Variants in PTPRG observed in about 807,000 individuals in gnomAD.
PTPRG encodes the protein receptor-type tyrosine-protein phosphatase gamma.
In PTPRG, 102 loss-of-function variants were observed where a neutral mutation model predicts 165.3. The ratio of observed to expected loss-of-function variants is 0.62; its 90% CI spans 0.53 to 0.73. The LOEUF is 0.73. PTPRG is among the 30% of genes least tolerant of loss of function. The pLI, the probability that PTPRG is intolerant of heterozygous loss-of-function variation, is 0.00. For synonymous variants in PTPRG, 675 were observed against 669.5 expected, an observed-to-expected ratio of 1.01 and a Z score of -0.13; for missense variants, 1,866 against 1,861.4, an observed-to-expected ratio of 1.00 and a Z score of -0.05.
In PTPRG at chr3:61,863,187, C is replaced by T. The variant is rs576789986; in HGVS notation, c.190+114205C>T. ...GCCAGTGCTTAGGGCCTGACCCAGACGGGGCTTCCCCCTCTTTGAGCAGTG... is the reference window on the plus strand; with the variant it reads ...GCCAGTGCTTAGGGCCTGACCCAGATGGGGCTTCCCCCTCTTTGAGCAGTG... On this transcript the variant is annotated intron_variant, in intron 2 of 29. Coordinates refer to ENST00000474889, the MANE Select transcript of PTPRG (RefSeq NM_002841.4). 3.2e-4 allele frequency among the ~76,000 whole-genome samples: 49 copies of T among 152,312 alleles called. No individual in the cohort carries two copies. In the East Asian group the frequency reaches 7.0e-3, roughly 22 times the overall value.
At chr3:61,785,218 A>G (rs1267096132) in intron 2 of PTPRG, among the ~76,000 whole-genome samples, 4 of 152,194 alleles carry the variant, frequency 2.6e-5, no homozygotes, top group African/African-American at 9.6e-5. Context: ...TGATGCTCTT[A>G]GGGGGAGGAC....
intron 1 of PTPRG, among the ~76,000 whole-genome samples, chr3:61,681,075 A>AAAAAAAAAG (rs999333286): frequency 4.0e-5 from 6 of 150,210 alleles, no homozygotes; most frequent in African/African-American, 1.5e-4. Context: ...AAAAAAAAAA[A>AAAAAAAAAG]AAGAAGAAGA....
chr3:61,958,817 T>C (rs907763437), intron 2 of PTPRG, among the ~76,000 whole-genome samples: 1 of 152,170 alleles, frequency 6.6e-6, no homozygotes, highest in Admixed American at 6.5e-5. Context: ...AGAACTCTCA[T>C]TGTGTCATTC....
intron 1 of PTPRG, among the ~76,000 whole-genome samples, chr3:61,600,095 G>A (rs993395950): frequency 2.0e-5 from 3 of 151,262 alleles, no homozygotes; most frequent in African/African-American, 7.3e-5. Flanking sequence ...AGGAGGCAGA[G>A]GTTGCAGTGA....
rs759133942 is a variant in PTPRG at position 62,213,706 on chromosome 3, G to A, written c.2156-5145G>A. ...TGTTGTACCGAAAGGCCTACAGCAT[G>A]TTCTGGTCTCTGGAGGCCTAGGCAT... On this transcript the variant is annotated intron_variant, in intron 12 of 29. Transcript: ENST00000474889. The surrounding 1 kb of genome is among the most constrained non-coding windows in gnomAD (Gnocchi z 4.4). Among the ~76,000 whole-genome samples, 3 of 152,192 alleles carry A rather than the reference G, an allele frequency of 2.0e-5. No individual in the cohort carries two copies. The highest frequency in any genetic ancestry group is 1.5e-5 in the Non-Finnish European group (1 of 68,036).
chr3:62,110,089 CTTT>C (rs371457716), intron 5 of PTPRG, among the ~76,000 whole-genome samples: 40 of 79,968 alleles, frequency 5.0e-4, no homozygotes, highest in African/African-American at 1.6e-3. Context: ...GAAATAATGG[CTTT>C]TTTTTTTTTT....
chr3:61,970,499 CAAAT>C (rs1254273616), intron 2 of PTPRG, among the ~76,000 whole-genome samples: 2 of 152,112 alleles, frequency 1.3e-5, no homozygotes, highest in Admixed American at 1.3e-4. Flanking sequence ...TAATACTTGA[CAAAT>C]ATTCAATATG....
intron 5 of PTPRG, among the ~76,000 whole-genome samples, chr3:62,097,827 T>C (rs1702167083): frequency 6.6e-6 from 1 of 152,208 alleles, no homozygotes; most frequent in African/African-American, 2.4e-5. Flanking sequence ...CCAAACATTA[T>C]CTCGTGAAGC....
intron 17 of PTPRG, chr3:62,263,127 T>C (rs1701751034): frequency 2.4e-6 from 1 of 425,494 alleles, no homozygotes; most frequent in Non-Finnish European, 4.2e-6. Flanking sequence ...TGAAAGAAAA[T>C]GTTTGGAGCT....
chr3:61,849,533 C>T lies in PTPRG; in HGVS notation c.190+100551C>T, dbSNP rs553866528. Among the ~76,000 whole-genome samples the T allele has an allele frequency of 9.2e-5, 14 of 152,288 alleles. No homozygotes were observed. In the Middle Eastern group the frequency reaches 0.017, roughly 185 times the overall value. On this transcript the variant is annotated intron_variant, in intron 2 of 29. Coordinates refer to ENST00000474889, the MANE Select transcript of PTPRG (RefSeq NM_002841.4). Reference sequence around the variant, plus strand: ...AAGTTATGGGAATGAGATTTACGCTCGCTGACTGAAGCCCAGGTGCTGCTA... The same window carrying T: ...AAGTTATGGGAATGAGATTTACGCTTGCTGACTGAAGCCCAGGTGCTGCTA...
chr3:62,021,742 TATA>T (rs2041695781), intron 4 of PTPRG, among the ~76,000 whole-genome samples: 1 of 152,174 alleles, frequency 6.6e-6, no homozygotes, highest in South Asian at 2.1e-4. Flanking sequence ...TGAAACTGTC[TATA>T]ATAATAGTGA....
chr3:61,752,081 ATTAC>A (rs1270323106), intron 2 of PTPRG, among the ~76,000 whole-genome samples: 1 of 152,102 alleles, frequency 6.6e-6, no homozygotes, highest in Non-Finnish European at 1.5e-5. Flanking sequence ...GACTGTTATT[ATTAC>A]TTTTGCTGCA....
In PTPRG at chr3:62,193,641, G is replaced by A. The variant is rs879083872; in HGVS notation, c.1219-1421G>A. ...AACCTGTGGGCAGGTGTTATTGCCC[G>A]CCTTTTCCAAACGAGATCAGTGAGG... On this transcript the variant is annotated intron_variant, in intron 9 of 29. Transcript: ENST00000474889. 3.9e-5 allele frequency among the ~76,000 whole-genome samples: 6 copies of A among 152,302 alleles called. No individual in the cohort carries two copies. In the South Asian group the frequency reaches 1.2e-3, roughly 32 times the overall value.
rs752334849 is a variant in PTPRG, at chr3:62,237,367, A to G, written c.2375+6056A>G. Among the ~76,000 whole-genome samples the G allele has an allele frequency of 5.3e-5, 8 of 152,104 alleles. No individual in the cohort carries two copies. The highest frequency in any genetic ancestry group is 1.0e-4 in the Non-Finnish European group (7 of 68,026). On this transcript the variant is annotated intron_variant, in intron 14 of 29. Coordinates refer to ENST00000474889, the MANE Select transcript of PTPRG (RefSeq NM_002841.4). This position sits in a 1 kb window ranked among gnomAD's most constrained non-coding sequence, Gnocchi z 4.5. ...AGTCTCTATAACTGGAATTTTATTA[A>G]TACTTATAAAGGACTGTCAGAGCAG... is the stretch of plus-strand genomic sequence containing the variant.
intron 2 of PTPRG, among the ~76,000 whole-genome samples, chr3:61,936,422 T>G (rs578247753): frequency 8.5e-5 from 13 of 152,356 alleles, no homozygotes; most frequent in African/African-American, 2.9e-4. Context: ...TGTATTTATT[T>G]GTGACTTTTT....
intron 28 of PTPRG, among the ~76,000 whole-genome samples, chr3:62,288,123 T>G (rs1702739120): frequency 7.0e-6 from 1 of 143,050 alleles, no homozygotes. Context: ...CCTGGTGAAA[T>G]GGAGCCAAAC....
chr3:61,621,079 ATATT>A lies in PTPRG; in HGVS notation c.85+58715_85+58718del, dbSNP rs1437937817. On this transcript the variant is annotated intron_variant, in intron 1 of 29. Coordinates refer to ENST00000474889, the MANE Select transcript of PTPRG (RefSeq NM_002841.4). ...TGTGTGTGTGTGTGTGTGTGTGTGT[ATATT>A]TATTTATCTGTTATGTTCTTATACT... Among the ~76,000 whole-genome samples, 64 of 105,350 alleles carry A rather than the reference ATATT, an allele frequency of 6.1e-4. 1 individual carries two copies. Among genetic ancestry groups the A allele is most frequent in the African/African-American group, 2.2e-3 (62 of 28,834 alleles). 69.1% of individuals were successfully genotyped at this position (105,350 alleles called of 152,430 possible).
intron 6 of PTPRG, among the ~76,000 whole-genome samples, chr3:62,133,986 A>G (rs1703613483): frequency 6.6e-6 from 1 of 152,142 alleles, no homozygotes; most frequent in African/African-American, 2.4e-5. Flanking sequence ...CTGTCTCAAA[A>G]AAAAAAAGAT....
intron 1 of PTPRG, among the ~76,000 whole-genome samples, chr3:61,746,033 T>G (rs184594625): frequency 7.6e-6 from 1 of 131,550 alleles, no homozygotes; most frequent in Non-Finnish European, 1.6e-5. Flanking sequence ...TTATTAAACT[T>G]TCTTTCTTTT....
Sources: gnomAD v4.1 joint callset for allele counts (sites outside exome capture counted in the v4.1 genomes callset) on GRCh38, gnomAD v4.1.1 for gene constraint, Gnocchi (gnomAD v3.1) non-coding constraint, MANE v1.5 for transcripts, NCBI Gene and HGNC (gene_info 2026-07-23, HGNC 2026-07-21) for gene names.